The following C12orf42 variants were observed in gnomAD, a reference collection of about 807,000 sequenced individuals.
C12orf42 encodes uncharacterized protein C12orf42.
A neutral mutation model predicts 21.6 loss-of-function variants in C12orf42; 25 were observed. That is an observed-to-expected ratio of 1.16 (90% CI 0.84 to 1.62). The LOEUF is 1.62. Ranked by LOEUF, C12orf42 falls within the 40% of genes most tolerant of loss-of-function variation. C12orf42 has a pLI of 0.00. For missense variants in C12orf42, 483 were observed against 459.3 expected (o/e 1.05, Z -0.47); for synonymous variants, 174 against 175.0 (o/e 0.99, Z 0.05).
rs934281538 is a variant in C12orf42, at chr12:103,337,496, G to A, written c.260-31151C>T. On this transcript the variant is annotated intron_variant, in intron 4 of 5. Transcript: ENST00000548883. ...CTCCCAAGTAGCTAGGACTACAGGC[G>A]CACGCCACCCTGTCTGGCTAATTTT... Among the ~76,000 whole-genome samples the A allele has an allele frequency of 7.2e-5, 11 of 152,228 alleles. No individual in the cohort carries two copies. The South Asian group carries it at 8.3e-4, about 11-fold the overall frequency.
chr12:103,228,081 C>T, the C12orf42 span, among the ~76,000 whole-genome samples: 1 of 152,118 alleles, frequency 6.6e-6, no homozygotes, highest in Non-Finnish European at 1.5e-5. Flanking sequence ...GGGAGGTCCC[C>T]TGATCAGAGT....
the C12orf42 span, among the ~76,000 whole-genome samples, chr12:103,552,896 G>A: frequency 1.3e-5 from 2 of 152,144 alleles, no homozygotes. Context: ...ACAGGCAAGA[G>A]AGAACAAGCA....
At chr12:103,369,568 G>C (rs183482474) in intron 3 of C12orf42, among the ~76,000 whole-genome samples, 1 of 151,734 alleles carries the variant, frequency 6.6e-6, no homozygotes, top group East Asian at 1.9e-4. Flanking sequence ...AGAATGGAGA[G>C]GCAGGGGATA....
At chr12:103,151,968 G>A in the C12orf42 span, 1 of 152,212 alleles carries the variant, frequency 6.6e-6, no homozygotes, top group East Asian at 1.9e-4. Flanking sequence ...GGACCTCCCT[G>A]AAGTCCAAGA....
chr12:103,310,268 T>C (rs553908307), intron 4 of C12orf42, among the ~76,000 whole-genome samples: 1 of 152,152 alleles, frequency 6.6e-6, no homozygotes, highest in South Asian at 2.1e-4. Context: ...TCTCTCTCTC[T>C]CTCTCTGTGT....
chr12:103,329,802 C>G (rs1340451053), intron 4 of C12orf42, among the ~76,000 whole-genome samples: 1 of 151,748 alleles, frequency 6.6e-6, no homozygotes, highest in Non-Finnish European at 1.5e-5. Flanking sequence ...TGTTTTTATT[C>G]CAGCTTTCCC....
chr12:103,173,045 C>A, the C12orf42 span, among the ~76,000 whole-genome samples: 1 of 152,122 alleles, frequency 6.6e-6, no homozygotes, highest in African/African-American at 2.4e-5. Flanking sequence ...AACATTAGCA[C>A]CACAGTGGCT....
the C12orf42 span, among the ~76,000 whole-genome samples, chr12:103,200,623 G>A: frequency 1.3e-5 from 2 of 152,092 alleles, no homozygotes; most frequent in South Asian, 4.1e-4. Flanking sequence ...AATTATGTAT[G>A]TTGAATTTGA....
chr12:103,435,117 G>T (rs1950587075), intron 2 of C12orf42, among the ~76,000 whole-genome samples: 1 of 152,072 alleles, frequency 6.6e-6, no homozygotes, highest in Admixed American at 6.5e-5. Flanking sequence ...AGCCTAACTG[G>T]GAGGCACCCC....
At chr12:103,211,495 C>T in the C12orf42 span, among the ~76,000 whole-genome samples, 1 of 152,172 alleles carries the variant, frequency 6.6e-6, no homozygotes, top group East Asian at 1.9e-4. Context: ...AAATCACTTG[C>T]TGTGAGAGAA....
At chr12:103,465,960 G>A (rs1275928375) in intron 2 of C12orf42, among the ~76,000 whole-genome samples, 1 of 152,176 alleles carries the variant, frequency 6.6e-6, no homozygotes, top group African/African-American at 2.4e-5. Flanking sequence ...CTTGATCATG[G>A]TGGATAAACT....
intron 10 of C12orf42, among the ~76,000 whole-genome samples, chr12:103,258,755 C>T (rs935063181): frequency 6.6e-6 from 1 of 151,812 alleles, no homozygotes; most frequent in Non-Finnish European, 1.5e-5. Context: ...CTATATGATA[C>T]TTAGGAACAA....
the C12orf42 span, among the ~76,000 whole-genome samples, chr12:103,208,869 C>G: frequency 6.6e-6 from 1 of 152,150 alleles, no homozygotes; most frequent in Non-Finnish European, 1.5e-5. Context: ...ATTATAAAAG[C>G]CCTCAGCTCT....
chr12:103,107,307 A>G, the C12orf42 span, among the ~76,000 whole-genome samples: 1 of 151,938 alleles, frequency 6.6e-6, no homozygotes, highest in African/African-American at 2.4e-5. Context: ...ACAGCCCCAA[A>G]TTAGAAAATA....
chr12:103,065,072 C>T, the C12orf42 span, among the ~76,000 whole-genome samples: 2 of 152,252 alleles, frequency 1.3e-5, no homozygotes, highest in African/African-American at 2.4e-5. Flanking sequence ...ATTAAAGCTG[C>T]CTTTACCTAG....
the C12orf42 span, among the ~76,000 whole-genome samples, chr12:103,553,366 C>T: frequency 6.6e-6 from 1 of 152,040 alleles, no homozygotes; most frequent in African/African-American, 2.4e-5. Context: ...CTTAGTTATC[C>T]GTCCTCCCCT....
chr12:103,485,629 C>T (rs1954782257), intron 1 of C12orf42, among the ~76,000 whole-genome samples: 1 of 152,076 alleles, frequency 6.6e-6, no homozygotes, highest in Non-Finnish European at 1.5e-5. Context: ...CCATTTGTTT[C>T]TGTCCTCTTT....
At chr12:103,097,480 G>A in the C12orf42 span, among the ~76,000 whole-genome samples, 1 of 152,228 alleles carries the variant, frequency 6.6e-6, no homozygotes, top group Non-Finnish European at 1.5e-5. Flanking sequence ...TCAGTAATCT[G>A]AGAAATGTGT....
intron 2 of C12orf42, among the ~76,000 whole-genome samples, chr12:103,477,703 T>A (rs1257017746): frequency 6.6e-6 from 1 of 152,048 alleles, no homozygotes; most frequent in Non-Finnish European, 1.5e-5. Context: ...CAGACAGCCT[T>A]CAGAAGCTGG....
Sources: gnomAD v4.1 joint callset for allele counts (sites outside exome capture counted in the v4.1 genomes callset) on GRCh38, gnomAD v4.1.1 for gene constraint, MANE v1.5 for transcripts, NCBI Gene and HGNC (gene_info 2026-07-23, HGNC 2026-07-21) for gene names.